CPED1: variants seen among roughly 807,000 people sequenced by gnomAD.
CPED1 encodes the protein cadherin like and PC-esterase domain containing 1, also known as cadherin-like and PC-esterase domain-containing protein 1.
CPED1 carries 114 observed loss-of-function variants against 128.2 expected under a neutral mutation model. That is an observed-to-expected ratio of 0.89 (90% CI 0.76 to 1.04). CPED1 has a LOEUF of 1.04. Ranked by LOEUF, CPED1 falls within the 50% of genes least tolerant of loss-of-function variation. CPED1 has a pLI of 0.00. For missense variants in CPED1, 1,211 were observed against 1,207.1 expected (o/e 1.00, Z -0.05); for synonymous variants, 462 against 426.7 (o/e 1.08, Z -1.02).
At chr7:121,025,695 C>T (rs1792560878) in intron 3 of CPED1, among the ~76,000 whole-genome samples, 1 of 152,076 alleles carries the variant, frequency 6.6e-6, no homozygotes, top group African/African-American at 2.4e-5. Context: ...GTTCTTTCTC[C>T]AAATATGGAC....
intron 16 of CPED1, among the ~76,000 whole-genome samples, chr7:121,156,365 T>C (rs541564752): frequency 6.6e-6 from 1 of 152,154 alleles, no homozygotes; most frequent in Non-Finnish European, 1.5e-5. Flanking sequence ...AAAGTCAATA[T>C]AGGTAAGAGA....
chr7:121,084,372 T>A (rs144625639), intron 5 of CPED1, among the ~76,000 whole-genome samples: 1 of 152,330 alleles, frequency 6.6e-6, no homozygotes, highest in East Asian at 1.9e-4. Context: ...TATAACAACA[T>A]GTATTTCAAT....
chr7:121,196,859 C>A (rs1164718315), intron 16 of CPED1, among the ~76,000 whole-genome samples: 1 of 151,552 alleles, frequency 6.6e-6, no homozygotes, highest in East Asian at 1.9e-4. Flanking sequence ...CTCATTAGAG[C>A]AAGAGAACTT....
At chr7:121,021,040 A>G (rs929108460) in intron 3 of CPED1, among the ~76,000 whole-genome samples, 7 of 151,896 alleles carry the variant, frequency 4.6e-5, no homozygotes, top group East Asian at 1.9e-4. Flanking sequence ...TAGAGTTAAT[A>G]CTACAATAAA....
At chr7:120,996,659 C>G (rs770395970) in intron 2 of CPED1, among the ~76,000 whole-genome samples, 2 of 152,186 alleles carry the variant, frequency 1.3e-5, no homozygotes, top group Non-Finnish European at 2.9e-5. Context: ...GTAAATATCA[C>G]ATGAGCACAG....
At chr7:121,252,038 G>A (rs528471897) in intron 18 of CPED1, among the ~76,000 whole-genome samples, 9 of 151,612 alleles carry the variant, frequency 5.9e-5, no homozygotes, top group African/African-American at 1.9e-4. Context: ...AAAGCTGGAG[G>A]CATCACGCTA....
chr7:121,224,567 T>G (rs1797956920), intron 16 of CPED1, among the ~76,000 whole-genome samples: 1 of 152,092 alleles, frequency 6.6e-6, no homozygotes, highest in Non-Finnish European at 1.5e-5. Context: ...GGTATTAAAG[T>G]CTCCCATTAT....
chr7:121,003,390 A>C (rs768160571), intron 2 of CPED1, among the ~76,000 whole-genome samples: 1 of 152,206 alleles, frequency 6.6e-6, no homozygotes, highest in Non-Finnish European at 1.5e-5. Flanking sequence ...GCTATTCTGC[A>C]ACACAATTGA....
intron 4 of CPED1, among the ~76,000 whole-genome samples, chr7:121,050,599 G>T (rs950191746): frequency 2.0e-5 from 3 of 150,936 alleles, no homozygotes; most frequent in Admixed American, 6.6e-5. Flanking sequence ...GAGCAGCTGG[G>T]ATTACAGGCG....
intron 2 of CPED1, among the ~76,000 whole-genome samples, chr7:120,994,557 A>G (rs1444081846): frequency 2.6e-5 from 4 of 152,196 alleles, no homozygotes. Context: ...ATTAGCCTGC[A>G]TATGCAAATA....
At chr7:121,288,488 G>A (rs1792629384) in intron 22 of CPED1, among the ~76,000 whole-genome samples, 1 of 152,116 alleles carries the variant, frequency 6.6e-6, no homozygotes, top group Admixed American at 6.5e-5. Context: ...TCTAAAAATA[G>A]AAATAGGTTA....
At chr7:121,044,648 C>CTTTTTTTTTTTTTTTTTTTT (rs35159862) in intron 3 of CPED1, among the ~76,000 whole-genome samples, 13 of 69,528 alleles carry the variant, frequency 1.9e-4, no homozygotes, top group African/African-American at 2.5e-4. Context: ...TGACTTTCTG[C>CTTTTTTTTTTTTTTTTTTTT]TCTTTTTTTT....
chr7:121,264,362 T>A (rs1792082181), intron 18 of CPED1, among the ~76,000 whole-genome samples: 1 of 151,934 alleles, frequency 6.6e-6, no homozygotes, highest in African/African-American at 2.4e-5. Context: ...GACAAGAAAA[T>A]CAAACATAAA....
chr7:121,270,651 C>A (rs1179067909), intron 21 of CPED1, among the ~76,000 whole-genome samples: 1 of 151,982 alleles, frequency 6.6e-6, no homozygotes, highest in Non-Finnish European at 1.5e-5. Flanking sequence ...TTTCCCATTG[C>A]TTATTTTTGT....
At chr7:121,031,390 C>T (rs1027666574) in intron 3 of CPED1, among the ~76,000 whole-genome samples, 1 of 152,060 alleles carries the variant, frequency 6.6e-6, no homozygotes, top group African/African-American at 2.4e-5. Flanking sequence ...CAGGTTCAAG[C>T]GATTCTCCTG....
chr7:121,163,757 A>G (rs1006039070), intron 16 of CPED1, among the ~76,000 whole-genome samples: 9 of 152,318 alleles, frequency 5.9e-5, no homozygotes, highest in South Asian at 2.1e-4. Context: ...CTGAATTCCT[A>G]TATTTTATGG....
intron 16 of CPED1, among the ~76,000 whole-genome samples, chr7:121,216,394 A>G (rs192017662): frequency 6.6e-6 from 1 of 152,118 alleles, no homozygotes; most frequent in Admixed American, 6.5e-5. Context: ...ACATTCTGTT[A>G]TTCAGTACTT....
intron 22 of CPED1, among the ~76,000 whole-genome samples, chr7:121,279,959 T>C (rs961436153): frequency 2.6e-5 from 4 of 152,138 alleles, no homozygotes; most frequent in African/African-American, 9.7e-5. Flanking sequence ...GACATGAAAC[T>C]GAATGACCCA....
intron 3 of CPED1, among the ~76,000 whole-genome samples, chr7:121,034,247 C>CTTTAT (rs1792820938): frequency 8.8e-6 from 1 of 113,954 alleles, no homozygotes; most frequent in Non-Finnish European, 1.7e-5. Context: ...GTTTTTTTTT[C>CTTTAT]TTTTTTTTTT....
Sources: allele counts gnomAD v4.1 joint callset (sites outside exome capture counted in the v4.1 genomes callset), GRCh38; gene constraint gnomAD v4.1.1; transcripts MANE v1.5; gene names NCBI Gene and HGNC (gene_info 2026-07-23, HGNC 2026-07-21).